The following ZNF182 variants were observed in gnomAD, a reference collection of about 807,000 sequenced individuals.
The protein encoded by ZNF182 is zinc finger protein 182, also known as zinc finger protein 21 (KOX 14).
A neutral mutation model predicts 28.1 loss-of-function variants in ZNF182; 10 were observed. The observed-to-expected ratio is 0.36, with a 90% CI of 0.22 to 0.60. The LOEUF (loss-of-function observed/expected upper bound fraction) is 0.60, where lower values mean the gene tolerates loss of function less well. Ranked by LOEUF, ZNF182 falls within the 20% of genes least tolerant of loss-of-function variation. ZNF182 has a pLI of 0.75. For missense variants in ZNF182, 352 were observed against 453.2 expected (o/e 0.78, Z 2.03); for synonymous variants, 156 against 158.7 (o/e 0.98, Z 0.13).
At position 47,977,746 on chromosome X, in the gene ZNF182, T is replaced by C. The variant is rs979729050; in HGVS notation, c.284A>G (p.Asp95Gly). 5.8e-6 allele frequency: 7 copies of C among 1,200,134 alleles called. No homozygotes were observed. The highest frequency in any genetic ancestry group is 7.9e-6 in the Non-Finnish European group (7 of 889,295). The change falls in exon 6 of 6, where the codon GAT (aspartate) becomes GGT (glycine). Residue 95 changes from aspartate to glycine, a missense_variant. Asp to Gly is a moderately conservative substitution (Grantham distance 94). Coordinates refer to ENST00000376943, the MANE Select transcript of ZNF182 (RefSeq NM_001007088.2). ...TCCAACTTGCATCAGCAGACATTTA[T>C]CTTGGTCATCCTGATGTTGCCTCTC... is the stretch of plus-strand genomic sequence containing the variant. Reference protein sequence around the residue: ...QIERQHQDDQDKCLLMQVGFS... With the variant: ...QIERQHQDDQGKCLLMQVGFS...
At chrX:47,990,914 C>T (rs1417461023) in intron 3 of ZNF182, among the ~76,000 whole-genome samples, 6 of 112,101 alleles carry the variant, frequency 5.4e-5, no homozygotes, top group African/African-American at 1.9e-4. Flanking sequence ...AGAATACAGA[C>T]ATGCACATTC....
intron 3 of ZNF182, 111 bp downstream of exon 3, chrX:48,002,484 C>T: frequency 1.8e-6 from 2 of 1,084,153 alleles, no homozygotes; most frequent in East Asian, 6.3e-5. Context: ...CTTATTTTGC[C>T]TGATCCAATC....
At chrX:47,992,953 AAAG>A (rs56043514) in intron 3 of ZNF182, among the ~76,000 whole-genome samples, 41,772 of 111,251 alleles carry the variant, frequency 0.38, 6,888 homozygotes, top group East Asian at 0.58. Context: ...TCACCAGAAT[AAAG>A]AAGAATTCTC....
Position 47,976,462 on chromosome X carries a change from T to C in ZNF182, c.1568A>G (p.Tyr523Cys), listed in dbSNP as rs1157809575. ...HQRIHTGEKPYECPVCWKAFS... is the reference protein window; with the variant it reads ...HQRIHTGEKPCECPVCWKAFS... ...AGCTTTCCAACACACAGGACATTCATAAGGTTTCTCTCCTGTATGAATTCT... is the reference window on the plus strand; with the variant it reads ...AGCTTTCCAACACACAGGACATTCACAAGGTTTCTCTCCTGTATGAATTCT... The change falls in exon 6 of 6, where the codon TAT becomes TGT. Residue 523 changes from tyrosine to cysteine, a missense_variant. Transcript: ENST00000376943. 1.1e-5 allele frequency: 13 copies of C among 1,211,847 alleles called. No individual in the cohort carries two copies. The highest frequency in any genetic ancestry group is 1.5e-5 in the Non-Finnish European group (13 of 895,548).
chrX:47,982,911 C>A, intron 5 of ZNF182, 38 bp downstream of exon 5: 1 of 1,171,809 alleles, frequency 8.5e-7, no homozygotes, highest in Non-Finnish European at 1.2e-6. Context: ...TAGGGTGGAA[C>A]TTCATGTCCC....
At chrX:47,994,504 A>G (rs904038064) in intron 3 of ZNF182, among the ~76,000 whole-genome samples, 6 of 111,972 alleles carry the variant, frequency 5.4e-5, no homozygotes, top group African/African-American at 2.0e-4. Flanking sequence ...CCAATTCGAT[A>G]TAAATACATA....
chrX:47,988,959 A>G lies in ZNF182; in HGVS notation c.16-5548T>C, dbSNP rs782359702. 1.2e-4 allele frequency among the ~76,000 whole-genome samples: 14 copies of G among 112,542 alleles called. No homozygotes were observed. In the East Asian group the frequency reaches 3.9e-3, roughly 31 times the overall value. ...ACAATAACTGATTCAGGCAAGATTA[A>G]TCAATGGATAATAATACTAATTGGT... is the stretch of plus-strand genomic sequence containing the variant. On this transcript the variant is annotated intron_variant, in intron 3 of 5. Coordinates refer to ENST00000376943, the MANE Select transcript of ZNF182 (RefSeq NM_001007088.2).
intron 3 of ZNF182, chrX:48,002,382 C>T: frequency 1.9e-6 from 1 of 514,922 alleles, no homozygotes. Context: ...TACCAGAAGG[C>T]TCAAAGAGAA....
At chrX:47,978,607 C>T (rs1261430888) in intron 5 of ZNF182, among the ~76,000 whole-genome samples, 3 of 112,503 alleles carry the variant, frequency 2.7e-5, no homozygotes, top group Non-Finnish European at 5.6e-5. Context: ...TTCAACACTA[C>T]CTTCTCTGCT....
intron 3 of ZNF182, among the ~76,000 whole-genome samples, chrX:47,987,891 G>A (rs1347540661): frequency 2.7e-5 from 3 of 111,860 alleles, no homozygotes; most frequent in Non-Finnish European, 5.6e-5. Context: ...TAAAGATGAA[G>A]GCTGGAACAT....
intron 3 of ZNF182, among the ~76,000 whole-genome samples, chrX:47,989,343 C>G (rs1282190370): frequency 9.1e-6 from 1 of 110,377 alleles, no homozygotes; most frequent in African/African-American, 3.3e-5. Flanking sequence ...ACAAGAATCT[C>G]CTGAATGTGG....
intron 3 of ZNF182, among the ~76,000 whole-genome samples, chrX:47,992,959 GA>G (rs1556900630): frequency 1.9e-5 from 2 of 103,931 alleles, no homozygotes; most frequent in Middle Eastern, 5.7e-3. Flanking sequence ...GAATAAAGAA[GA>G]ATTCTCTGAA....
At chrX:47,980,565 T>C (rs2146459408) in intron 5 of ZNF182, among the ~76,000 whole-genome samples, 1 of 112,034 alleles carries the variant, frequency 8.9e-6, no homozygotes, top group African/African-American at 3.2e-5. Flanking sequence ...TCCATAAATA[T>C]GTACAATTAT....
chrX:47,993,512 G>A (rs1556900707), intron 3 of ZNF182, among the ~76,000 whole-genome samples: 2 of 111,731 alleles, frequency 1.8e-5, no homozygotes, highest in Non-Finnish European at 3.8e-5. Flanking sequence ...GTGGGAATGA[G>A]CCCTTAACTT....
intron 3 of ZNF182, among the ~76,000 whole-genome samples, chrX:47,986,510 C>T (rs782353940): frequency 4.2e-4 from 47 of 112,035 alleles, no homozygotes; most frequent in Non-Finnish European, 6.6e-4. Context: ...GGCATAATTA[C>T]GACCTTATTA....
At position 47,977,963 on chromosome X, in the gene ZNF182, A is replaced by G. The variant is rs781846689; in HGVS notation, c.233-166T>C. On this transcript the variant is annotated intron_variant, in intron 5 of 5. Transcript: ENST00000376943. ...TCACCTGCTGGTCTTTTTGTTACCA[A>G]GAACAATCTTACCCTGACACCTCAG... Among the ~76,000 whole-genome samples, 8 of 112,199 alleles carry G rather than the reference A, an allele frequency of 7.1e-5. No homozygotes were observed. The South Asian group carries it at 2.6e-3, about 36-fold the overall frequency.
chrX:47,984,645 A>G (rs1052152343), intron 3 of ZNF182, among the ~76,000 whole-genome samples: 1 of 111,164 alleles, frequency 9.0e-6, no homozygotes, highest in Non-Finnish European at 1.9e-5. Flanking sequence ...GATTGAAGAA[A>G]CTCTTTTTAA....
chrX:47,983,340 C>G lies in ZNF182; in HGVS notation c.87G>C (p.Gln29His). Reference protein sequence around the residue: ...QEEWQYLNPPQRTLYRDVMLE... With the variant: ...QEEWQYLNPPHRTLYRDVMLE... ...GCATCACGTCTCTGTACAGGGTCCT[C>G]TGTGGTGGGTTCAGGTACTGCCACT... Residue 29 changes from glutamine (Q) to histidine (H), a missense_variant, in exon 4 of 6, where the codon CAG (glutamine) becomes CAC (histidine). By Grantham distance (24) the Gln-to-His change is conservative (BLOSUM62 0). Transcript: ENST00000376943. 8.3e-7 allele frequency: 1 copy of G among 1,211,469 alleles called. No homozygotes were observed. Among genetic ancestry groups the G allele is most frequent in the Non-Finnish European group, 1.1e-6 (1 of 895,323 alleles).
intron 5 of ZNF182, among the ~76,000 whole-genome samples, chrX:47,979,313 A>C (rs1221609752): frequency 1.8e-5 from 2 of 111,812 alleles, no homozygotes; most frequent in African/African-American, 6.5e-5. Flanking sequence ...ACAAAATCAC[A>C]TGAGGAACTT....
Sources: gnomAD v4.1 joint callset for allele counts (sites outside exome capture counted in the v4.1 genomes callset) on GRCh38, gnomAD v4.1.1 for gene constraint, MANE v1.5 for transcripts, NCBI Gene and HGNC (gene_info 2026-07-23, HGNC 2026-07-21) for gene names.